Variants in POU3F3 observed in about 807,000 individuals in gnomAD.
POU3F3 encodes POU class 3 homeobox 3.
POU3F3 carries 1 observed loss-of-function variant against 8.6 expected under a neutral mutation model. That is an observed-to-expected ratio of 0.12 (90% confidence interval 0.04 to 0.55). The LOEUF (loss-of-function observed/expected upper bound fraction) is 0.55, where lower values mean the gene tolerates loss of function less well. POU3F3 is among the 20% of genes least tolerant of loss of function. The pLI is 0.91. For synonymous variants in POU3F3, 418 were observed against 327.4 expected (o/e 1.28, Z -2.99); for missense variants, 577 against 690.7 (o/e 0.84, Z 1.84).
Position 104,854,677 on chromosome 2 carries a change from C to G in POU3F3, c.-834C>G, listed in dbSNP as rs745989925. Among the ~76,000 whole-genome samples, 8 of 152,146 alleles carry G rather than the reference C, an allele frequency of 5.3e-5. No homozygotes were observed. The highest frequency in any genetic ancestry group is 1.0e-4 in the Non-Finnish European group (7 of 68,036). On this transcript the variant is annotated 5_prime_UTR_variant, in exon 1 of 1. Transcript: ENST00000361360. This position sits in a 1 kb window ranked among gnomAD's most constrained non-coding sequence, Gnocchi z 4.5. Reference sequence around the variant, plus strand: ...GCAACTTCAGAGAAATGCACCATCGCAAGAAGTTTTCCTAGGACAGAACAA... The same window carrying G: ...GCAACTTCAGAGAAATGCACCATCGGAAGAAGTTTTCCTAGGACAGAACAA...
At chr2:104,927,156 A>G in the POU3F3 span, among the ~76,000 whole-genome samples, 1 of 152,104 alleles carries the variant, frequency 6.6e-6, no homozygotes, top group Non-Finnish European at 1.5e-5. Flanking sequence ...AAGGCAAGGG[A>G]TCTCTCTGGC....
At position 104,855,774 on chromosome 2, in the gene POU3F3, C is replaced by T. The variant is rs1450427054; in HGVS notation, c.264C>T (p.Gly88=). Residue 88 remains glycine, a synonymous_variant, in exon 1 of 1, where the codon GGC becomes GGT. Coordinates refer to ENST00000361360, the MANE Select transcript of POU3F3 (RefSeq NM_006236.3). The part of the protein sequence containing the change: ...MQGAMAASNG[G]HMLSHAHQWV... Reference sequence around the variant, plus strand: ...GGGCCATGGCCGCCAGCAACGGCGGCCATATGCTGAGCCACGCGCACCAGT... The same window carrying T: ...GGGCCATGGCCGCCAGCAACGGCGGTCATATGCTGAGCCACGCGCACCAGT... 3.0e-6 allele frequency: 4 copies of T among 1,333,758 alleles called. No individual in the cohort carries two copies. The highest frequency in any genetic ancestry group is 1.6e-5 in the African/African-American group (1 of 63,878). The allele number at this position is 1,333,758 out of a possible 1,614,324, so 82.6% of individuals were successfully genotyped here.
Position 104,855,831 on chromosome 2 carries a change from C to T in POU3F3, c.321C>T (p.Ala107=), listed in dbSNP as rs1676550377. The change falls in exon 1 of 1, where the codon GCC becomes GCT. Residue 107 remains alanine, a synonymous_variant. Coordinates refer to ENST00000361360, the MANE Select transcript of POU3F3 (RefSeq NM_006236.3). The part of the protein sequence containing the change: ...WVTALPHAAA[A]AAAAAAAAVE... The stretch of plus-strand genomic sequence containing the variant: ...CAGCCCTGCCCCACGCCGCCGCCGC[C>T]GCCGCCGCTGCCGCCGCCGCCGCCG... 2 of 1,129,842 alleles carry T rather than the reference C, an allele frequency of 1.8e-6. No individual in the cohort carries two copies. The highest frequency in any genetic ancestry group is 6.1e-5 in the East Asian group (1 of 16,282). The allele number at this position is 1,129,842 out of a possible 1,614,324, so 70.0% of individuals were successfully genotyped here.
chr2:104,921,589 C>G, the POU3F3 span, among the ~76,000 whole-genome samples: 1 of 152,184 alleles, frequency 6.6e-6, no homozygotes, highest in African/African-American at 2.4e-5. Flanking sequence ...AAGGACCCTT[C>G]TCCTCTGACT....
At chr2:104,910,439 A>C in the POU3F3 span, among the ~76,000 whole-genome samples, 5 of 152,288 alleles carry the variant, frequency 3.3e-5, no homozygotes, top group African/African-American at 1.2e-4. Flanking sequence ...GGGCCCTTGC[A>C]TTCTCCTTAT....
chr2:104,857,036 G>GGCC lies in POU3F3; in HGVS notation c.*39_*41dup, dbSNP rs748277563. 266 of 1,454,844 alleles carry GGCC rather than the reference G, an allele frequency of 1.8e-4. 1 individual carries two copies. Among genetic ancestry groups the GGCC allele is most frequent in the South Asian group, 1.1e-3 (84 of 73,802 alleles). The allele number at this position is 1,454,844 out of a possible 1,614,324, so 90.1% of individuals were successfully genotyped here. A position where few individuals can be genotyped will look rare whatever the true frequency, so the allele number is the denominator to read the frequency against. ...TGAAGCCAGGGCGCAGAGCGAAGAG[G>GGCC]GCCGCCGCCGCCGCCGCCTCCGCAG... On this transcript the variant is annotated 3_prime_UTR_variant, in exon 1 of 1. Coordinates refer to ENST00000361360, the MANE Select transcript of POU3F3 (RefSeq NM_006236.3).
In POU3F3 at chr2:104,855,609, G is replaced by T. The variant is rs1372795342; in HGVS notation, c.99G>T (p.Gly33=). ...ACGCGGCAGGGGCTGGCGGCGGCGGGGGTGGCGGCGGCGGCGGCGGCGGGG... is the reference window on the plus strand; with the variant it reads ...ACGCGGCAGGGGCTGGCGGCGGCGGTGGTGGCGGCGGCGGCGGCGGCGGGG... The part of the protein sequence containing the change: ...HSDAAGAGGG[G]GGGGGGGGGG... Residue 33 remains glycine, a synonymous_variant, in exon 1 of 1, where the codon GGG becomes GGT. Coordinates refer to ENST00000361360, the MANE Select transcript of POU3F3 (RefSeq NM_006236.3). 2.0e-5 allele frequency: 19 copies of T among 966,708 alleles called. No homozygotes were observed. The highest frequency in any genetic ancestry group is 2.5e-4 in the East Asian group (2 of 8,014). 59.9% of individuals were successfully genotyped at this position (966,708 alleles called of 1,614,324 possible).
the POU3F3 span, among the ~76,000 whole-genome samples, chr2:104,872,915 G>A: frequency 6.6e-6 from 1 of 152,140 alleles, no homozygotes; most frequent in East Asian, 1.9e-4. The surrounding 1 kb of genome is among the most constrained non-coding windows in gnomAD (Gnocchi z 4.6). Flanking sequence ...TGGAGAGAAA[G>A]CGCGCTCCCT....
chr2:104,919,890 C>A, the POU3F3 span, among the ~76,000 whole-genome samples: 50 of 152,244 alleles, frequency 3.3e-4, no homozygotes, highest in African/African-American at 1.2e-3. Context: ...AAATCACACA[C>A]ACACAGAGGC....
the POU3F3 span, among the ~76,000 whole-genome samples, chr2:104,902,049 T>C: frequency 6.6e-6 from 1 of 151,880 alleles, no homozygotes; most frequent in South Asian, 2.1e-4. Context: ...ATTTGGGGAG[T>C]CAGGAATGAT....
chr2:104,908,343 G>A, the POU3F3 span, among the ~76,000 whole-genome samples: 1 of 152,170 alleles, frequency 6.6e-6, no homozygotes, highest in African/African-American at 2.4e-5. Flanking sequence ...AAGAAACCAA[G>A]ATTCAGAACT....
the POU3F3 span, among the ~76,000 whole-genome samples, chr2:104,877,660 CTTTTTTT>C: frequency 7.2e-6 from 1 of 138,836 alleles, no homozygotes; most frequent in African/African-American, 2.6e-5. Flanking sequence ...TTCTTTTTTT[CTTTTTTT>C]TTTTTTTTTT....
chr2:104,900,505 G>A, the POU3F3 span, among the ~76,000 whole-genome samples: 2 of 152,158 alleles, frequency 1.3e-5, no homozygotes, highest in Non-Finnish European at 2.9e-5. Context: ...ATATGAATGC[G>A]AGAAGGTGTG....
At chr2:104,887,228 T>C in the POU3F3 span, among the ~76,000 whole-genome samples, 2 of 152,202 alleles carry the variant, frequency 1.3e-5, no homozygotes, top group Non-Finnish European at 2.9e-5. Flanking sequence ...CAATTTGTTT[T>C]ATCAGCAAGG....
chr2:104,861,498 C>A (rs72830492), downstream of POU3F3, among the ~76,000 whole-genome samples: 4,175 of 152,230 alleles, frequency 0.027, 93 homozygotes, highest in Middle Eastern at 0.13. Flanking sequence ...TAACCTAATA[C>A]CTGACTGTGC....
downstream of POU3F3, among the ~76,000 whole-genome samples, chr2:104,863,006 T>C (rs1676684175): frequency 6.6e-6 from 1 of 151,930 alleles, no homozygotes; most frequent in Non-Finnish European, 1.5e-5. Flanking sequence ...AATTCTTTTT[T>C]TTTTTAATGG....
the POU3F3 span, among the ~76,000 whole-genome samples, chr2:104,910,842 A>G: frequency 3.9e-5 from 6 of 152,352 alleles, no homozygotes; most frequent in Non-Finnish European, 7.4e-5. Flanking sequence ...CAGGAAAAAA[A>G]GAAAGAAAAA....
the POU3F3 span, among the ~76,000 whole-genome samples, chr2:104,917,965 A>C: frequency 2.0e-5 from 3 of 152,240 alleles, no homozygotes; most frequent in Admixed American, 6.5e-5. Flanking sequence ...GTTTAGTTAC[A>C]TAACCAAAGC....
the POU3F3 span, among the ~76,000 whole-genome samples, chr2:104,900,773 G>A: frequency 2.3e-3 from 351 of 152,238 alleles, 1 homozygote; most frequent in Non-Finnish European, 4.0e-3. Context: ...AAGGCTGCCC[G>A]TGGCCAGGAA....
Sources: allele counts gnomAD v4.1 joint callset (sites outside exome capture counted in the v4.1 genomes callset), GRCh38; gene constraint gnomAD v4.1.1; non-coding constraint Gnocchi (gnomAD v3.1); transcripts MANE v1.5; gene names NCBI Gene and HGNC (gene_info 2026-07-23, HGNC 2026-07-21).